The following SOX30 variants were observed in gnomAD, a reference collection of about 807,000 sequenced individuals.
SOX30 encodes the protein SRY-box transcription factor 30, also known as transcription factor SOX-30.
A neutral mutation model predicts 58.6 loss-of-function variants in SOX30; 17 were observed. The observed-to-expected ratio is 0.29, with a 90% CI of 0.20 to 0.44. The LOEUF is 0.44. Among genes scored for constraint, SOX30 ranks in the 20% least tolerant of loss-of-function variants. The pLI, the probability that SOX30 is intolerant of heterozygous loss-of-function variation, is 1.00. For missense variants in SOX30, 951 were observed against 965.8 expected, an observed-to-expected ratio of 0.98 and a Z score of 0.20; for synonymous variants, 421 against 400.2, an observed-to-expected ratio of 1.05 and a Z score of -0.62.
intron 2 of SOX30, 93 bp downstream of exon 2, chr5:157,648,564 T>A: frequency 8.4e-7 from 1 of 1,184,090 alleles, no homozygotes; most frequent in South Asian, 1.5e-5. Context: ...AGAAAAAAAT[T>A]ATATATTTTT....
chr5:157,634,207 G>A (rs1432111777), intron 4 of SOX30, among the ~76,000 whole-genome samples: 1 of 152,160 alleles, frequency 6.6e-6, no homozygotes, highest in African/African-American at 2.4e-5. Context: ...ACTGCGTAGC[G>A]AAAAGAAACA....
chr5:157,661,860 A>G (rs1363113628), intron 2 of SOX30, among the ~76,000 whole-genome samples: 1 of 149,734 alleles, frequency 6.7e-6, no homozygotes. Flanking sequence ...GGCTTTTAGT[A>G]TCAGGGTAAA....
chr5:157,669,766 G>T (rs1369338940), intron 1 of SOX30, among the ~76,000 whole-genome samples: 1 of 152,000 alleles, frequency 6.6e-6, no homozygotes, highest in Admixed American at 6.6e-5. Flanking sequence ...TGATCCGCCC[G>T]CCTTAGCCTC....
Position 157,651,210 on chromosome 5 carries a change from G to C in SOX30, c.869C>G (p.Pro290Arg), listed in dbSNP as rs1281364002. 6.2e-7 allele frequency: 1 copy of C among 1,613,606 alleles called. No homozygotes were observed. The highest frequency in any genetic ancestry group is 1.7e-5 in the Admixed American group (1 of 59,930). Residue 290 changes from proline (P) to arginine (R), a missense_variant, in exon 1 of 5, where the codon CCC becomes CGC. This residue lies in a region of SOX30 where 60 missense variants were observed against 74.0 expected (regional missense o/e 0.81). Transcript: ENST00000265007. ...PSELIRLTKV[P>R]LTPVPTKMQS... is the part of the protein sequence containing the mutation. ...CATTTTAGTAGGCACTGGTGTCAGGGGGACCTTGGTCAATCTTATCAGCTC... is the reference window on the plus strand; with the variant it reads ...CATTTTAGTAGGCACTGGTGTCAGGCGGACCTTGGTCAATCTTATCAGCTC...
chr5:157,626,708 T>C lies in SOX30; in HGVS notation c.1894A>G (p.Ser632Gly). The C allele has an allele frequency of 6.2e-7, 1 of 1,606,132 alleles. No individual in the cohort carries two copies. Among genetic ancestry groups the C allele is most frequent in the Non-Finnish European group, 8.5e-7 (1 of 1,176,694 alleles). The change falls in exon 5 of 5, where the codon AGT (serine) becomes GGT (glycine). Residue 632 changes from serine to glycine, a missense_variant. By Grantham distance (56) the Ser-to-Gly change is moderately conservative. Around this residue, in one of 7 missense-constraint regions of SOX30, gnomAD observed 381 missense variants for 390.0 expected, o/e 0.98. Coordinates refer to ENST00000265007, the MANE Select transcript of SOX30 (RefSeq NM_178424.2). ...TTTCCATAGCCAAAGGGAGGCCGAC[T>C]GTAAGGGCATGTACTGCAGCAGAAA... The part of the protein sequence containing the change: ...HYFPSSTCPY[S>G]RPPFGYGNFP...
chr5:157,662,256 A>G (rs980515495), intron 2 of SOX30, among the ~76,000 whole-genome samples: 2 of 152,094 alleles, frequency 1.3e-5, no homozygotes, highest in African/African-American at 4.8e-5. Context: ...TGGTCATTTG[A>G]CTAAAAAGTT....
Position 157,652,253 on chromosome 5 carries a change from C to T in SOX30, c.-175G>A, listed in dbSNP as rs1320094350. 8 of 1,257,498 alleles carry T rather than the reference C, an allele frequency of 6.4e-6. No individual in the cohort carries two copies. In the East Asian group the frequency reaches 9.4e-5, roughly 15 times the overall value. The allele number at this position is 1,257,498 out of a possible 1,614,324, so 77.9% of individuals were successfully genotyped here. A position where few individuals can be genotyped will look rare whatever the true frequency, so the allele number is the denominator to read the frequency against. ...AATCACAACGACCGATACCCGTGGA[C>T]GGCCAATCACAGGCGGGTTTTCCGG... On this transcript the variant is annotated 5_prime_UTR_variant, in exon 1 of 5. Transcript: ENST00000265007.
At chr5:157,628,149 CA>C (rs879343782) in intron 4 of SOX30, among the ~76,000 whole-genome samples, 51 of 151,528 alleles carry the variant, frequency 3.4e-4, no homozygotes, top group Admixed American at 7.2e-4. Context: ...ACCCCCATCT[CA>C]AAAAAAAATT....
chr5:157,654,181 A>T (rs1339638145), upstream of SOX30, among the ~76,000 whole-genome samples: 3 of 151,528 alleles, frequency 2.0e-5, no homozygotes, highest in Non-Finnish European at 4.4e-5. Flanking sequence ...AAAAAAAAAA[A>T]CTATTGAAGA....
Position 157,666,528 on chromosome 5 carries a change from C to T in SOX30, c.52+1270G>A, listed in dbSNP as rs1356264747. The stretch of plus-strand genomic sequence containing the variant: ...ACACACACACACACACACACACACA[C>T]CTCAGTTCAAATGAAATCTCAGCTG... On this transcript the variant is annotated intron_variant, in intron 2 of 5. Coordinates refer to the SOX30 transcript ENST00000519442. Among the ~76,000 whole-genome samples the T allele has an allele frequency of 7.0e-5, 10 of 141,848 alleles. No homozygotes were observed. The Admixed American group carries it at 7.1e-4, about 10-fold the overall frequency. The allele number at this position is 141,848 out of a possible 152,430, so 93.1% of individuals were successfully genotyped here.
upstream of SOX30, among the ~76,000 whole-genome samples, chr5:157,655,670 C>T (rs140938935): frequency 4.0e-3 from 614 of 152,220 alleles, 2 homozygotes; most frequent in Middle Eastern, 0.037. Context: ...TCTTCACTGT[C>T]GCTGCAGTGG....
In SOX30 at chr5:157,626,506, C is replaced by G. The variant is rs1758659164; in HGVS notation, c.2096G>C (p.Ser699Thr). Residue 699 changes from serine (S) to threonine (T), a missense_variant, in exon 5 of 5, where the codon AGT becomes ACT. Around this residue, in one of 7 missense-constraint regions of SOX30, gnomAD observed 381 missense variants for 390.0 expected, o/e 0.98. Transcript: ENST00000265007. ...ENMNGTSYYN[S>T]HSHSGEENLN... ...GTTTTCTTCCCCACTGTGGCTATGA[C>G]TGTTATAGTAAGAAGTTCCATTCAT... The G allele has an allele frequency of 1.2e-6, 2 of 1,614,168 alleles. No homozygotes were observed. Among genetic ancestry groups the G allele is most frequent in the Non-Finnish European group, 1.7e-6 (2 of 1,180,032 alleles).
chr5:157,627,862 C>T (rs1025903555), intron 4 of SOX30, among the ~76,000 whole-genome samples: 10 of 151,814 alleles, frequency 6.6e-5, no homozygotes, highest in East Asian at 5.8e-4. Context: ...GGCGTGGTGG[C>T]GGGCGCCTGT....
chr5:157,636,640 A>G (rs1440901227), intron 4 of SOX30, among the ~76,000 whole-genome samples: 1 of 152,200 alleles, frequency 6.6e-6, no homozygotes, highest in South Asian at 2.1e-4. Flanking sequence ...AAGGGCCCAA[A>G]AGCAAGCAAT....
upstream of SOX30, among the ~76,000 whole-genome samples, chr5:157,653,154 C>T (rs1041131293): frequency 1.3e-5 from 2 of 152,224 alleles, no homozygotes; most frequent in Non-Finnish European, 2.9e-5. Context: ...GCTCAGCATG[C>T]TACTCTTTCC....
chr5:157,627,277 C>T (rs972886847), intron 4 of SOX30, among the ~76,000 whole-genome samples: 19 of 151,882 alleles, frequency 1.3e-4, no homozygotes, highest in Admixed American at 9.2e-4. Flanking sequence ...GCAGGAGGAT[C>T]GCTTGAACCC....
At position 157,652,237 on chromosome 5, in the gene SOX30, G is replaced by A. The variant is rs1759375569; in HGVS notation, c.-159C>T. On this transcript the variant is annotated 5_prime_UTR_variant, in exon 1 of 5. Transcript: ENST00000265007. Reference sequence around the variant, plus strand: ...TGTCTGGGCCTCACCCAATCACAACGACCGATACCCGTGGACGGCCAATCA... The same window carrying A: ...TGTCTGGGCCTCACCCAATCACAACAACCGATACCCGTGGACGGCCAATCA... 3 of 1,271,512 alleles carry A rather than the reference G, an allele frequency of 2.4e-6. No individual in the cohort carries two copies. The Admixed American group carries it at 1.2e-4, about 52-fold the overall frequency. The allele number at this position is 1,271,512 out of a possible 1,614,324, so 78.8% of individuals were successfully genotyped here. A position where few individuals can be genotyped will look rare whatever the true frequency, so the allele number is the denominator to read the frequency against.
chr5:157,638,129 T>C, intron 4 of SOX30, 101 bp downstream of exon 4: 3 of 1,216,118 alleles, frequency 2.5e-6, no homozygotes, highest in Non-Finnish European at 3.4e-6. Context: ...TGAAGAAGTC[T>C]GCTTTTCAGT....
intron 1 of SOX30, among the ~76,000 whole-genome samples, chr5:157,649,544 C>T (rs1759276758): frequency 6.6e-6 from 1 of 152,316 alleles, no homozygotes; most frequent in African/African-American, 2.4e-5. Context: ...AATCCCAGCA[C>T]TTTGGGAGGC....
Sources: allele counts gnomAD v4.1 joint callset (sites outside exome capture counted in the v4.1 genomes callset), GRCh38; gene constraint gnomAD v4.1.1; regional missense constraint gnomAD v4.1.1; transcripts MANE v1.5; gene names NCBI Gene and HGNC (gene_info 2026-07-23, HGNC 2026-07-21).